Variants in IL12RB2 observed in about 807,000 individuals in gnomAD.
IL12RB2 encodes the protein interleukin 12 receptor subunit beta 2, also known as interleukin-12 receptor subunit beta-2.
IL12RB2 carries 82 observed loss-of-function variants against 89.4 expected under a neutral mutation model. The observed-to-expected ratio is 0.92, with a 90% CI of 0.77 to 1.10. The LOEUF is 1.10. Among genes scored for constraint, IL12RB2 ranks in the 50% least tolerant of loss-of-function variants. The pLI is 0.00. For missense variants in IL12RB2, 963 were observed against 1,031.9 expected (o/e 0.93, Z 0.92); for synonymous variants, 368 against 370.1 (o/e 0.99, Z 0.07).
intron 10 of IL12RB2, among the ~76,000 whole-genome samples, chr1:67,367,420 G>GAAGAAA (rs1344408307): frequency 1.5e-5 from 2 of 133,682 alleles, no homozygotes; most frequent in African/African-American, 5.6e-5. Flanking sequence ...AAGAGAGAGA[G>GAAGAAA]AAGAAAAAGA....
intron 2 of IL12RB2, among the ~76,000 whole-genome samples, chr1:67,316,036 C>T (rs1655713051): frequency 6.6e-6 from 1 of 152,140 alleles, no homozygotes; most frequent in Non-Finnish European, 1.5e-5. Context: ...AATGTAGTTG[C>T]ATTAAACTAA....
intron 15 of IL12RB2, among the ~76,000 whole-genome samples, chr1:67,388,122 T>A (rs1557478169): frequency 6.6e-6 from 1 of 152,004 alleles, no homozygotes; most frequent in South Asian, 2.1e-4. Flanking sequence ...TTGTAGTAAG[T>A]TGAGATTGCG....
intron 10 of IL12RB2, among the ~76,000 whole-genome samples, chr1:67,354,560 C>T (rs933209317): frequency 2.0e-5 from 3 of 152,098 alleles, no homozygotes; most frequent in African/African-American, 7.2e-5. Flanking sequence ...GCCGAGCTGT[C>T]GTTAAGAGGG....
intron 14 of IL12RB2, among the ~76,000 whole-genome samples, chr1:67,383,743 A>G (rs1166853376): frequency 6.6e-6 from 1 of 152,252 alleles, no homozygotes; most frequent in African/African-American, 2.4e-5. Flanking sequence ...CTAGTGTTCC[A>G]TTATTGGAAT....
chr1:67,326,751 T>G lies in IL12RB2; in HGVS notation c.381T>G (p.Pro127=), dbSNP rs771193279. The change falls in exon 5 of 17, where the codon CCT becomes CCG. Residue 127 remains proline, a synonymous_variant. Coordinates refer to ENST00000674203, the MANE Select transcript of IL12RB2 (RefSeq NM_001374259.2). ...TTTTTAAAGTTGCTCCAGAACAGCC[T>G]CAAAATTTATCCTGCATACAGAAGG... is the stretch of plus-strand genomic sequence containing the variant. ...EIFVGVAPEQ[P]QNLSCIQKGE... The G allele has an allele frequency of 1.2e-6, 2 of 1,613,338 alleles. No individual in the cohort carries two copies. Among genetic ancestry groups the G allele is most frequent in the Admixed American group, 3.3e-5 (2 of 60,004 alleles).
chr1:67,328,650 C>T (rs1016776514), intron 6 of IL12RB2, among the ~76,000 whole-genome samples: 1 of 152,144 alleles, frequency 6.6e-6, no homozygotes, highest in Non-Finnish European at 1.5e-5. Context: ...AAAGAACCAG[C>T]TACTAATGAT....
chr1:67,395,694 G>A lies in IL12RB2; in HGVS notation c.2194G>A (p.Gly732Arg). Reference protein sequence around the residue: ...PCSNWPQREKGIQGHQASEKD... With the variant: ...PCSNWPQREKRIQGHQASEKD... ...CTCCAACTGGCCACAAAGGGAAAAA[G>A]GAATCCAAGGTCATCAGGCCTCTGA... Residue 732 changes from glycine to arginine, a missense_variant, in exon 17 of 17, where the codon GGA becomes AGA. Physicochemically the swap from Gly to Arg is moderately radical, Grantham distance 125 (BLOSUM62 -2). Transcript: ENST00000674203. The A allele has an allele frequency of 6.2e-7, 1 of 1,614,170 alleles. No homozygotes were observed. The highest frequency in any genetic ancestry group is 1.3e-5 in the African/African-American group (1 of 75,024).
intron 13 of IL12RB2, among the ~76,000 whole-genome samples, chr1:67,374,700 G>A (rs7518266): frequency 0.47 from 70,460 of 149,748 alleles, 18,667 homozygotes; most frequent in Non-Finnish European, 0.58. Context: ...GGTCTTGAAC[G>A]CCTAACCTCA....
chr1:67,354,012 C>T (rs1183021171), intron 10 of IL12RB2, among the ~76,000 whole-genome samples: 2 of 152,128 alleles, frequency 1.3e-5, no homozygotes, highest in Non-Finnish European at 2.9e-5. Context: ...CTATATAAGG[C>T]AGTTGGAATC....
chr1:67,337,451 G>A (rs1658913483), intron 8 of IL12RB2, among the ~76,000 whole-genome samples: 1 of 152,136 alleles, frequency 6.6e-6, no homozygotes, highest in African/African-American at 2.4e-5. Flanking sequence ...ACGTGAGCAT[G>A]AACTCATGCA....
intron 4 of IL12RB2, among the ~76,000 whole-genome samples, chr1:67,325,470 C>G (rs976834460): frequency 3.9e-5 from 6 of 152,210 alleles, no homozygotes; most frequent in Non-Finnish European, 2.9e-5. Context: ...CCATGTTGGC[C>G]AAGCTAGTCT....
intron 13 of IL12RB2, among the ~76,000 whole-genome samples, chr1:67,373,693 CAG>C (rs1468336499): frequency 3.3e-5 from 5 of 152,170 alleles, no homozygotes; most frequent in East Asian, 1.9e-4. Flanking sequence ...TTGATTTATT[CAG>C]AGTTTTTGTT....
chr1:67,327,260 A>G (rs1484012488), intron 5 of IL12RB2, among the ~76,000 whole-genome samples: 1 of 152,032 alleles, frequency 6.6e-6, no homozygotes, highest in Admixed American at 6.6e-5. Flanking sequence ...TGCCCGGCCT[A>G]TCTGTTTTAT....
intron 9 of IL12RB2, among the ~76,000 whole-genome samples, chr1:67,339,760 G>A (rs1177194633): frequency 6.6e-6 from 1 of 152,146 alleles, no homozygotes; most frequent in African/African-American, 2.4e-5. Context: ...GTATCAGAGA[G>A]AGGAAAGAGA....
At chr1:67,384,622 C>T (rs1331651971) in intron 14 of IL12RB2, among the ~76,000 whole-genome samples, 2 of 152,212 alleles carry the variant, frequency 1.3e-5, no homozygotes, top group African/African-American at 4.8e-5. Flanking sequence ...GTTTTCTTTT[C>T]TATTGAATCA....
intron 14 of IL12RB2, among the ~76,000 whole-genome samples, chr1:67,385,903 T>A (rs1053630719): frequency 6.6e-6 from 1 of 152,130 alleles, no homozygotes; most frequent in Non-Finnish European, 1.5e-5. Flanking sequence ...CCATTCGCAT[T>A]TTATAGATCA....
intron 16 of IL12RB2, among the ~76,000 whole-genome samples, chr1:67,395,232 C>T (rs1570249351): frequency 6.6e-6 from 1 of 151,546 alleles, no homozygotes; most frequent in African/African-American, 2.4e-5. Flanking sequence ...CATGCCACTG[C>T]ACTTGAGCCT....
intron 11 of IL12RB2, among the ~76,000 whole-genome samples, chr1:67,369,885 G>A (rs1216204273): frequency 6.6e-6 from 1 of 152,046 alleles, no homozygotes; most frequent in Admixed American, 6.6e-5. Flanking sequence ...AGCTGGGCGT[G>A]GTGGTGGGCG....
At chr1:67,366,969 C>T (rs1380821700) in intron 10 of IL12RB2, among the ~76,000 whole-genome samples, 1 of 152,104 alleles carries the variant, frequency 6.6e-6, no homozygotes, top group Non-Finnish European at 1.5e-5. Flanking sequence ...CATGAAAATT[C>T]AACACATACG....
Sources: allele counts gnomAD v4.1 joint callset (sites outside exome capture counted in the v4.1 genomes callset), GRCh38; gene constraint gnomAD v4.1.1; transcripts MANE v1.5; gene names NCBI Gene and HGNC (gene_info 2026-07-23, HGNC 2026-07-21).